Variants in CDKL4 observed in about 807,000 individuals in gnomAD.
The protein encoded by CDKL4 is cyclin dependent kinase like 4, also known as cyclin-dependent kinase-like 4.
Under a neutral mutation model 42.0 loss-of-function variants are expected in CDKL4, and 44 were observed. The ratio of observed to expected loss-of-function variants is 1.05; its 90% CI spans 0.82 to 1.35. The LOEUF (loss-of-function observed/expected upper bound fraction) is 1.35, where lower values mean the gene tolerates loss of function less well. Among genes scored for constraint, CDKL4 ranks in the 40% most tolerant of loss-of-function variants. CDKL4 has a pLI of 0.00. For synonymous variants in CDKL4, 120 were observed against 121.6 expected (o/e 0.99, Z 0.09); for missense variants, 393 against 369.9 (o/e 1.06, Z -0.51).
At chr2:39,190,997 C>A (rs1269868747) in intron 5 of CDKL4, among the ~76,000 whole-genome samples, 3 of 152,140 alleles carry the variant, frequency 2.0e-5, no homozygotes, top group Non-Finnish European at 4.4e-5. Flanking sequence ...TGACTTGAAT[C>A]CTTACAGGGA....
At chr2:39,233,044 C>CAAAAAAAAA (rs72150084) in intron 1 of CDKL4, among the ~76,000 whole-genome samples, 3 of 66,096 alleles carry the variant, frequency 4.5e-5, no homozygotes, top group Admixed American at 2.1e-4. Context: ...GACTCCATCT[C>CAAAAAAAAA]AAAAAAAAAA....
chr2:39,191,139 C>T (rs1310020398), intron 5 of CDKL4, among the ~76,000 whole-genome samples: 1 of 152,092 alleles, frequency 6.6e-6, no homozygotes, highest in Non-Finnish European at 1.5e-5. Context: ...TGGCTCATGC[C>T]TCTCATCCCA....
exon 6 of CDKL4, chr2:39,190,472 G>A: frequency 6.2e-7 from 1 of 1,614,046 alleles, no homozygotes; most frequent in South Asian, 1.1e-5. Context: ...CCATCTCGTA[G>A]CTACATAATC....
At chr2:39,175,716 C>A in exon 10 of CDKL4, 1 of 190,058 alleles carries the variant, frequency 5.3e-6, no homozygotes, top group Non-Finnish European at 1.1e-5. Context: ...ACAAATTCTC[C>A]ATATAGATAG....
chr2:39,191,372 C>T (rs1039316750), intron 5 of CDKL4, among the ~76,000 whole-genome samples: 86 of 152,072 alleles, frequency 5.7e-4, no homozygotes, highest in East Asian at 1.2e-3. Context: ...CCAGCCTGGG[C>T]GACAGAGTAA....
chr2:39,212,444 AG>A, intron 4 of CDKL4, among the ~76,000 whole-genome samples: 1 of 151,966 alleles, frequency 6.6e-6, no homozygotes, highest in Admixed American at 6.6e-5. Flanking sequence ...CGTGTTGGCC[AG>A]GATGGTCTCG....
chr2:39,212,937 C>G (rs927509615), intron 4 of CDKL4, among the ~76,000 whole-genome samples: 5 of 152,148 alleles, frequency 3.3e-5, no homozygotes, highest in African/African-American at 1.2e-4. Context: ...GCTGGGATTA[C>G]AGGCATGAGC....
At chr2:39,227,739 G>C (rs983866963) in intron 2 of CDKL4, among the ~76,000 whole-genome samples, 3 of 152,214 alleles carry the variant, frequency 2.0e-5, no homozygotes, top group Admixed American at 2.0e-4. Context: ...TCTACTAGGG[G>C]AGTAAAAGAT....
chr2:39,222,311 C>T (rs767644026), intron 3 of CDKL4, among the ~76,000 whole-genome samples: 22 of 151,980 alleles, frequency 1.4e-4, no homozygotes, highest in Non-Finnish European at 2.8e-4. Flanking sequence ...TATGATAGGC[C>T]AGGTGTGGGG....
chr2:39,173,345 C>G (rs1279258339), downstream of CDKL4, among the ~76,000 whole-genome samples: 1 of 152,076 alleles, frequency 6.6e-6, no homozygotes, highest in South Asian at 2.1e-4. Context: ...TATCTTTTTT[C>G]TCATTTTCTT....
rs1416039892 is a variant in CDKL4 at position 39,185,397 on chromosome 2, T to TAC, written c.736-752_736-751dup. ...ACATATGTATATATACATGTATATA[T>TAC]ACATATGTGTATATATACATATATA... is the stretch of plus-strand genomic sequence containing the variant. On this transcript the variant is annotated intron_variant, in intron 7 of 9. Transcript: ENST00000451199. 1.0e-4 allele frequency among the ~76,000 whole-genome samples: 3 copies of TAC among 28,578 alleles called. 1 individual carries two copies. The highest frequency in any genetic ancestry group is 3.4e-4 in the Admixed American group (1 of 2,944). 18.7% of individuals were successfully genotyped at this position (28,578 alleles called of 152,430 possible). A position where few individuals can be genotyped will look rare whatever the true frequency, so the allele number is the denominator to read the frequency against.
At chr2:39,203,420 T>A (rs1676974686) in intron 5 of CDKL4, among the ~76,000 whole-genome samples, 1 of 152,014 alleles carries the variant, frequency 6.6e-6, no homozygotes, top group Non-Finnish European at 1.5e-5. Flanking sequence ...TTGTGACAAT[T>A]GGGTATTTTG....
upstream of CDKL4, among the ~76,000 whole-genome samples, chr2:39,244,790 A>C (rs1324001934): frequency 2.0e-5 from 3 of 152,196 alleles, no homozygotes; most frequent in Non-Finnish European, 4.4e-5. Context: ...GGGATTGTAA[A>C]TACACCAATC....
chr2:39,230,245 G>A (rs1444720712), intron 1 of CDKL4, among the ~76,000 whole-genome samples: 1 of 152,214 alleles, frequency 6.6e-6, no homozygotes, highest in Non-Finnish European at 1.5e-5. Context: ...CAGGTGTGGT[G>A]GCACATGCCT....
intron 1 of CDKL4, among the ~76,000 whole-genome samples, chr2:39,230,159 C>A (rs779482441): frequency 2.0e-5 from 3 of 152,208 alleles, no homozygotes; most frequent in Non-Finnish European, 4.4e-5. Context: ...GTGGGTGGAT[C>A]ACCTGAGGTT....
chr2:39,233,122 CT>C (rs1402753697), intron 1 of CDKL4, among the ~76,000 whole-genome samples: 7 of 150,278 alleles, frequency 4.7e-5, no homozygotes, highest in African/African-American at 7.3e-5. Context: ...ATCTCTTGAG[CT>C]CCCACTGTAA....
At chr2:39,221,007 TTTTTTGTTTTGTTTTTG>T (rs1558575987) in intron 3 of CDKL4, among the ~76,000 whole-genome samples, 301 of 74,672 alleles carry the variant, frequency 4.0e-3, no homozygotes, top group Middle Eastern at 9.3e-3. Flanking sequence ...TTTTGTTTTT[TTTTTTGTTTTGTTTTTG>T]TTTTTTGAGA....
chr2:39,213,546 T>G, intron 3 of CDKL4, 74 bp from the exon 4 acceptor site: 1 of 984,396 alleles, frequency 1.0e-6, no homozygotes, highest in Non-Finnish European at 1.6e-6. Flanking sequence ...GGAATAGAAG[T>G]GGAGTGGTGA....
intron 7 of CDKL4, among the ~76,000 whole-genome samples, chr2:39,185,281 T>C (rs187952546): frequency 3.2e-4 from 16 of 49,962 alleles, no homozygotes; most frequent in South Asian, 1.5e-3. Flanking sequence ...TATACACATA[T>C]GTATATATAC....
Sources: allele counts gnomAD v4.1 joint callset (sites outside exome capture counted in the v4.1 genomes callset), GRCh38; gene constraint gnomAD v4.1.1; transcripts MANE v1.5; gene names NCBI Gene and HGNC (gene_info 2026-07-23, HGNC 2026-07-21).